HDAC8: variants seen among roughly 807,000 people sequenced by gnomAD.
The protein encoded by HDAC8 is histone deacetylase-like 1.
A neutral mutation model predicts 32.2 loss-of-function variants in HDAC8; 1 was observed. The ratio of observed to expected loss-of-function variants is 0.03; its 90% CI spans 0.01 to 0.15. HDAC8 has a LOEUF of 0.15. HDAC8 is among the 10% of genes least tolerant of loss of function. The probability of loss-of-function intolerance (pLI) is 1.00; values close to 1 mark genes in which losing one functional copy is unlikely to be tolerated. For missense variants in HDAC8, 117 were observed against 300.0 expected (o/e 0.39, Z 4.51); for synonymous variants, 108 against 113.9 (o/e 0.95, Z 0.33).
chrX:72,376,300 C>G (rs2045075337), intron 9 of HDAC8, among the ~76,000 whole-genome samples: 1 of 112,154 alleles, frequency 8.9e-6, no homozygotes, highest in Non-Finnish European at 1.9e-5. Context: ...TTTCTTAAGT[C>G]TACCTAAAGT....
At chrX:72,526,280 C>G (rs782809748) in intron 4 of HDAC8, among the ~76,000 whole-genome samples, 1 of 107,158 alleles carries the variant, frequency 9.3e-6, no homozygotes, top group East Asian at 2.9e-4. Flanking sequence ...TCTACCCTCT[C>G]TTTTTTTTTT....
intron 4 of HDAC8, among the ~76,000 whole-genome samples, chrX:72,506,861 T>A (rs782447903): frequency 9.1e-6 from 1 of 109,806 alleles, no homozygotes; most frequent in South Asian, 4.0e-4. Context: ...TTATATTAAC[T>A]TTTTTTTTGA....
At chrX:72,413,922 C>G (rs2046267203) in intron 9 of HDAC8, among the ~76,000 whole-genome samples, 1 of 112,087 alleles carries the variant, frequency 8.9e-6, no homozygotes, top group Non-Finnish European at 1.9e-5. Context: ...TACGATAAAT[C>G]ACCTTCTTGA....
At chrX:72,330,181 C>T (rs952491071) in intron 10 of HDAC8, 105 bp from the exon 11 acceptor site, 4 of 642,510 alleles carry the variant, frequency 6.2e-6, no homozygotes, top group Non-Finnish European at 9.9e-6. Flanking sequence ...GGCTTATTCT[C>T]TGCTGCTCTT....
At chrX:72,570,700 C>T (rs1041267136) in intron 2 of HDAC8, among the ~76,000 whole-genome samples, 1 of 110,817 alleles carries the variant, frequency 9.0e-6, no homozygotes. Context: ...TATTATTACA[C>T]TACCTTCTGG....
At chrX:72,529,562 A>C (rs2050263823) in intron 4 of HDAC8, among the ~76,000 whole-genome samples, 1 of 112,322 alleles carries the variant, frequency 8.9e-6, no homozygotes, top group Admixed American at 9.4e-5. Context: ...TAGCCCTGTA[A>C]GACTCATTTC....
chrX:72,375,603 G>A (rs2045039829), intron 9 of HDAC8, among the ~76,000 whole-genome samples: 1 of 110,087 alleles, frequency 9.1e-6, no homozygotes, highest in Admixed American at 9.7e-5. Context: ...GGAAGGGAGG[G>A]AAGAGAAGGG....
chrX:72,498,166 C>CAAA (rs71982796), intron 4 of HDAC8, among the ~76,000 whole-genome samples: 18 of 50,834 alleles, frequency 3.5e-4, no homozygotes, highest in African/African-American at 8.4e-4. Context: ...GTTAAAATGG[C>CAAA]AAAAAAAAAA....
intron 5 of HDAC8, among the ~76,000 whole-genome samples, chrX:72,491,693 A>G (rs2048875765): frequency 9.0e-6 from 1 of 111,596 alleles, no homozygotes; most frequent in Non-Finnish European, 1.9e-5. Flanking sequence ...TCTGTTTTCC[A>G]TTTTAACTTA....
At chrX:72,486,080 G>A (rs1421083596) in intron 7 of HDAC8, among the ~76,000 whole-genome samples, 3 of 110,458 alleles carry the variant, frequency 2.7e-5, no homozygotes, top group Admixed American at 9.6e-5. Context: ...CTAGATCGCC[G>A]ACAGAGTGAG....
chrX:72,392,203 C>T (rs1569264557), intron 9 of HDAC8, among the ~76,000 whole-genome samples: 1 of 111,798 alleles, frequency 8.9e-6, no homozygotes, highest in Non-Finnish European at 1.9e-5. Context: ...GGTACCAACT[C>T]TACACAGACA....
chrX:72,444,269 T>C (rs1162800100), intron 9 of HDAC8, among the ~76,000 whole-genome samples: 2 of 104,494 alleles, frequency 1.9e-5, no homozygotes, highest in African/African-American at 3.5e-5. Flanking sequence ...TTGATGAACA[T>C]TGATGCAAAA....
At chrX:72,348,104 G>T (rs1555947602) in intron 10 of HDAC8, among the ~76,000 whole-genome samples, 1 of 112,103 alleles carries the variant, frequency 8.9e-6, no homozygotes, top group Non-Finnish European at 1.9e-5. Flanking sequence ...CTCATCTTTT[G>T]TGCCTCTAAG....
At chrX:72,400,980 T>C (rs1237474403) in intron 9 of HDAC8, among the ~76,000 whole-genome samples, 1 of 112,646 alleles carries the variant, frequency 8.9e-6, no homozygotes, top group African/African-American at 3.2e-5. Context: ...TACATATTGA[T>C]CAGTTGATGG....
At chrX:72,505,061 T>A (rs1556018326) in intron 4 of HDAC8, among the ~76,000 whole-genome samples, 1 of 111,198 alleles carries the variant, frequency 9.0e-6, no homozygotes, top group East Asian at 2.8e-4. Context: ...TTTAATCTTT[T>A]AAAATTTTTA....
At chrX:72,358,256 C>T (rs2044433423) in intron 9 of HDAC8, among the ~76,000 whole-genome samples, 2 of 111,578 alleles carry the variant, frequency 1.8e-5, no homozygotes, top group Non-Finnish European at 3.8e-5. Context: ...TATTGTAGAT[C>T]TTAGTAACCT....
chrX:72,529,183 G>A (rs1556034324), intron 4 of HDAC8, among the ~76,000 whole-genome samples: 1 of 112,213 alleles, frequency 8.9e-6, no homozygotes, highest in African/African-American at 3.2e-5. Flanking sequence ...CTGAATAGTG[G>A]ACCCTAAAGA....
intron 9 of HDAC8, among the ~76,000 whole-genome samples, chrX:72,461,491 G>C (rs1334691849): frequency 8.9e-6 from 1 of 111,871 alleles, no homozygotes; most frequent in East Asian, 2.8e-4. Flanking sequence ...TCCAGCCTCT[G>C]TGTGCCACTA....
At chrX:72,567,470 G>C (rs2051840686) in intron 4 of HDAC8, 1 of 319,024 alleles carries the variant, frequency 3.1e-6, no homozygotes. Flanking sequence ...ATATTCCATT[G>C]GTACCATAAC....
Sources: allele counts gnomAD v4.1 joint callset (sites outside exome capture counted in the v4.1 genomes callset), GRCh38; gene constraint gnomAD v4.1.1; transcripts MANE v1.5; gene names NCBI Gene and HGNC (gene_info 2026-07-23, HGNC 2026-07-21).